The following MET variants were observed in gnomAD, a reference collection of about 807,000 sequenced individuals.
MET encodes the protein MET proto-oncogene, receptor tyrosine kinase.
A neutral mutation model predicts 133.1 loss-of-function variants in MET; 48 were observed. The observed-to-expected ratio is 0.36, with a 90% confidence interval of 0.29 to 0.46. The LOEUF is 0.46. Among genes scored for constraint, MET ranks in the 20% least tolerant of loss-of-function variants. The pLI, the probability that MET is intolerant of heterozygous loss-of-function variation, is 1.00. For synonymous variants in MET, 628 were observed against 616.5 expected (o/e 1.02, Z -0.28); for missense variants, 1,442 against 1,695.9 (o/e 0.85, Z 2.63).
intron 1 of MET, among the ~76,000 whole-genome samples, chr7:116,683,724 A>T (rs1388947864): frequency 6.6e-6 from 1 of 152,206 alleles, no homozygotes; most frequent in South Asian, 2.1e-4. Flanking sequence ...TCTGATGGAC[A>T]CTGGTTTTTA....
rs1060503533 is a variant in MET at position 116,777,434 on chromosome 7, G to A, written c.3305G>A (p.Gly1102Asp). ...VYHGTLLDND[G>D]KKIHCAVKSL... ...CATGGGACTTTGTTGGACAATGATGGCAAGAAAATTCACTGTGCTGTGAAA... is the reference window on the plus strand; with the variant it reads ...CATGGGACTTTGTTGGACAATGATGACAAGAAAATTCACTGTGCTGTGAAA... Residue 1102 changes from glycine to aspartate, a missense_variant, in exon 16 of 21, where the codon GGC becomes GAC. Gly to Asp is a moderately conservative substitution (Grantham distance 94, BLOSUM62 -1). Around this residue, in one of 6 missense-constraint regions of MET, gnomAD observed 514 missense variants for 659.6 expected, o/e 0.78. Transcript: ENST00000397752. The A allele has an allele frequency of 3.1e-6, 5 of 1,613,866 alleles. No individual in the cohort carries two copies. The highest frequency in any genetic ancestry group is 4.2e-6 in the Non-Finnish European group (5 of 1,179,846).
chr7:116,678,489 T>C (rs1329459348), intron 1 of MET, among the ~76,000 whole-genome samples: 1 of 152,144 alleles, frequency 6.6e-6, no homozygotes, highest in African/African-American at 2.4e-5. Context: ...CCGTGGAAGA[T>C]TTCTAATTTT....
intron 2 of MET, among the ~76,000 whole-genome samples, chr7:116,709,774 A>G (rs1391557859): frequency 6.6e-6 from 1 of 152,082 alleles, no homozygotes; most frequent in Non-Finnish European, 1.5e-5. Flanking sequence ...GTTACACACA[A>G]CCTCAGGAAA....
rs2116938346 is a variant in MET, at chr7:116,759,440, G to A, written c.2314G>A (p.Val772Ile). The A allele has an allele frequency of 6.2e-7, 1 of 1,613,844 alleles. No individual in the cohort carries two copies. The highest frequency in any genetic ancestry group is 1.1e-5 in the South Asian group (1 of 91,054). Residue 772 changes from valine to isoleucine, a missense_variant, in exon 10 of 21, where the codon GTC (valine) becomes ATC (isoleucine). Transcript: ENST00000397752. The part of the protein sequence containing the change: ...GVGKNLNSVS[V>I]PRMVINVHEA... ...TGGGAAAAACCTGAATTCAGTTAGT[G>A]TCCCGAGAATGGTCATAAATGTGCA...
intron 10 of MET, among the ~76,000 whole-genome samples, chr7:116,761,465 C>G (rs1794395728): frequency 6.6e-6 from 1 of 152,032 alleles, no homozygotes; most frequent in African/African-American, 2.4e-5. Flanking sequence ...TGAATTGAAC[C>G]CATTTATTAT....
intron 5 of MET, among the ~76,000 whole-genome samples, chr7:116,745,434 A>G (rs1688744375): frequency 6.6e-6 from 1 of 152,192 alleles, no homozygotes; most frequent in African/African-American, 2.4e-5. Context: ...AACTACTTTA[A>G]CGTTCATATG....
At chr7:116,736,774 A>T (rs1045304873) in intron 3 of MET, among the ~76,000 whole-genome samples, 5 of 152,228 alleles carry the variant, frequency 3.3e-5, no homozygotes, top group African/African-American at 1.2e-4. Flanking sequence ...ATTACTAAAG[A>T]TTAGTTGTTG....
Position 116,712,411 on chromosome 7 carries a change from T to C in MET, c.1200+12127T>C, listed in dbSNP as rs771762363. Among the ~76,000 whole-genome samples, 3 of 152,224 alleles carry C rather than the reference T, an allele frequency of 2.0e-5. No homozygotes were observed. The East Asian group carries it at 5.8e-4, about 29-fold the overall frequency. On this transcript the variant is annotated intron_variant, in intron 2 of 20. Coordinates refer to ENST00000397752, the MANE Select transcript of MET (RefSeq NM_000245.4). ...TTCCATCGTTAGCCCCCTGAGGGGA[T>C]GAACTATGCCATTTATCTCCACAGT...
chr7:116,741,243 C>T, intron 5 of MET: 2 of 564,768 alleles, frequency 3.5e-6, no homozygotes, highest in South Asian at 3.9e-5. Flanking sequence ...TTTGGGCATC[C>T]CCCCAAGTCC....
At chr7:116,767,139 C>T (rs1326212416) in intron 11 of MET, among the ~76,000 whole-genome samples, 1 of 152,138 alleles carries the variant, frequency 6.6e-6, no homozygotes, top group Non-Finnish European at 1.5e-5. Flanking sequence ...CAGCCTGTGG[C>T]CACCTGGGTG....
At chr7:116,711,881 T>A (rs1388450525) in intron 2 of MET, among the ~76,000 whole-genome samples, 1 of 152,186 alleles carries the variant, frequency 6.6e-6, no homozygotes, top group Non-Finnish European at 1.5e-5. Context: ...TGGTAAATGT[T>A]AAACTCTGGG....
chr7:116,717,795 C>G (rs560324112), intron 2 of MET, among the ~76,000 whole-genome samples: 2 of 152,234 alleles, frequency 1.3e-5, no homozygotes, highest in African/African-American at 4.8e-5. Flanking sequence ...CTTAATTACA[C>G]TGAATTAAAT....
chr7:116,778,995 C>G (rs772960515), intron 17 of MET, 38 bp downstream of exon 17: 77 of 1,606,062 alleles, frequency 4.8e-5, no homozygotes, highest in Non-Finnish European at 6.3e-5. Flanking sequence ...GGCAAACTAG[C>G]TGTAAGCCAG....
chr7:116,751,436 A>G (rs766566436), intron 5 of MET, among the ~76,000 whole-genome samples: 15 of 151,990 alleles, frequency 9.9e-5, no homozygotes, highest in Non-Finnish European at 2.2e-4. Flanking sequence ...GCGGGGGTCT[A>G]GGGGAGGGAT....
intron 2 of MET, chr7:116,724,181 C>G (rs973085392): frequency 1.2e-5 from 2 of 167,178 alleles, no homozygotes; most frequent in African/African-American, 4.8e-5. Context: ...GATATAATCT[C>G]GTGGTGCGCC....
At chr7:116,773,540 A>T (rs1317141254) in intron 14 of MET, among the ~76,000 whole-genome samples, 1 of 152,140 alleles carries the variant, frequency 6.6e-6, no homozygotes, top group East Asian at 1.9e-4. Flanking sequence ...AGAATGAAAG[A>T]CCTGAGTTTA....
rs1584953099 is a variant in MET, at chr7:116,769,634, TTTC to T, written c.2584-10_2584-8del. 1.2e-6 allele frequency: 2 copies of T among 1,612,756 alleles called. No individual in the cohort carries two copies. ...AGTGTTAACAACCTTTTTTTTTTTT[TTTC>T]CTTTCAGGGAAATGATATTGACCCT... is the stretch of plus-strand genomic sequence containing the variant. On this transcript the variant is annotated splice_polypyrimidine_tract_variant and splice_region_variant and intron_variant, in intron 11 of 20. Coordinates refer to ENST00000397752, the MANE Select transcript of MET (RefSeq NM_000245.4).
At chr7:116,697,987 G>C (rs762434656) in intron 1 of MET, among the ~76,000 whole-genome samples, 31 of 152,210 alleles carry the variant, frequency 2.0e-4, no homozygotes, top group Non-Finnish European at 3.8e-4. Flanking sequence ...AGTGATTTCT[G>C]ATGTGGTTTT....
intron 2 of MET, among the ~76,000 whole-genome samples, chr7:116,730,323 A>G (rs1451903478): frequency 1.3e-5 from 2 of 152,236 alleles, no homozygotes; most frequent in African/African-American, 4.8e-5. Flanking sequence ...GATCTGGAGA[A>G]GTTGGGCAGG....
Sources: gnomAD v4.1 joint callset for allele counts (sites outside exome capture counted in the v4.1 genomes callset) on GRCh38, gnomAD v4.1.1 for gene constraint, gnomAD v4.1.1 regional missense constraint, MANE v1.5 for transcripts, NCBI Gene and HGNC (gene_info 2026-07-23, HGNC 2026-07-21) for gene names.